The following MSRA variants were observed in gnomAD, a reference collection of about 807,000 sequenced individuals.
The protein encoded by MSRA is methionine sulfoxide reductase A.
Under a neutral mutation model 31.3 loss-of-function variants are expected in MSRA, and 54 were observed. That is an observed-to-expected ratio of 1.73 (90% CI 1.39 to 2.17). MSRA has a LOEUF of 2.17. Among genes scored for constraint, MSRA ranks in the 30% most tolerant of loss-of-function variants. The pLI is 0.00. For synonymous variants in MSRA, 169 were observed against 116.5 expected, an observed-to-expected ratio of 1.45 and a Z score of -2.90; for missense variants, 507 against 300.9, an observed-to-expected ratio of 1.69 and a Z score of -5.07.
chr8:10,353,600 A>G (rs908969981), intron 5 of MSRA: 34 of 456,080 alleles, frequency 7.5e-5, no homozygotes, highest in Admixed American at 6.8e-4. Context: ...CTTTCTAGCT[A>G]TGCCTTTTCC....
chr8:10,388,696 G>A, intron 5 of MSRA, among the ~76,000 whole-genome samples: 2 of 152,060 alleles, frequency 1.3e-5, no homozygotes, highest in East Asian at 3.9e-4. Context: ...TGTAAGTGGA[G>A]CTAATATCAT....
At chr8:10,324,107 T>C (rs902648545) in intron 5 of MSRA, among the ~76,000 whole-genome samples, 3 of 152,226 alleles carry the variant, frequency 2.0e-5, no homozygotes, top group African/African-American at 7.2e-5. Flanking sequence ...CTTTCCGCCA[T>C]GATGCTGTGG....
intron 1 of MSRA, chr8:10,095,548 A>G: frequency 1.0e-6 from 1 of 985,674 alleles, no homozygotes; most frequent in Non-Finnish European, 1.2e-6. Flanking sequence ...TACTGGGAGC[A>G]AAAGAGTGAG....
In MSRA at chr8:10,075,657, T is replaced by C. The variant is rs531928692; in HGVS notation, c.142+20999T>C. ...AGGTTGTGTTTACATAAAAAAGACA[T>C]TGTTTTATGTTCTAGCATCAAGAGA... On this transcript the variant is annotated intron_variant, in intron 1 of 5. Coordinates refer to ENST00000317173, the MANE Select transcript of MSRA (RefSeq NM_012331.5). Among the ~76,000 whole-genome samples the C allele has an allele frequency of 7.9e-5, 12 of 152,344 alleles. No homozygotes were observed. In the South Asian group the frequency reaches 1.2e-3, roughly 16 times the overall value.
intron 1 of MSRA, among the ~76,000 whole-genome samples, chr8:10,081,298 C>T (rs1798281375): frequency 6.6e-6 from 1 of 152,210 alleles, no homozygotes. Context: ...TTCTATAACC[C>T]ACGTGCCATT....
At chr8:10,248,374 G>A (rs897850037) in intron 3 of MSRA, among the ~76,000 whole-genome samples, 2 of 152,146 alleles carry the variant, frequency 1.3e-5, no homozygotes, top group African/African-American at 4.8e-5. Context: ...TATAGGAGGA[G>A]GGGTTAACAG....
chr8:10,414,959 A>T (rs534847981), intron 5 of MSRA, among the ~76,000 whole-genome samples: 1 of 152,354 alleles, frequency 6.6e-6, no homozygotes, highest in Non-Finnish European at 1.5e-5. Context: ...CCATGAAAAG[A>T]AAACTCGTAG....
chr8:10,205,906 G>A (rs1278576249), intron 1 of MSRA, among the ~76,000 whole-genome samples: 3 of 152,096 alleles, frequency 2.0e-5, no homozygotes, highest in African/African-American at 7.2e-5. Context: ...AACATGTTGG[G>A]TAATATTCCA....
intron 3 of MSRA, among the ~76,000 whole-genome samples, chr8:10,255,353 G>A (rs564710244): frequency 6.6e-5 from 10 of 152,346 alleles, no homozygotes; most frequent in Middle Eastern, 3.4e-3. Context: ...CGGGCCAGGA[G>A]CCCCAGGCAG....
At chr8:10,220,395 G>T (rs1318386980) in intron 2 of MSRA, among the ~76,000 whole-genome samples, 3 of 152,148 alleles carry the variant, frequency 2.0e-5, no homozygotes, top group Non-Finnish European at 4.4e-5. Flanking sequence ...ATACATCATG[G>T]TAGACATTAC....
chr8:10,058,982 T>G (rs950777507), intron 1 of MSRA: 1 of 152,210 alleles, frequency 6.6e-6, no homozygotes, highest in African/African-American at 2.4e-5. Context: ...AATGATAGAT[T>G]ATTATTTTAC....
intron 1 of MSRA, among the ~76,000 whole-genome samples, chr8:10,181,589 T>C (rs957979448): frequency 6.6e-6 from 1 of 151,944 alleles, no homozygotes; most frequent in Non-Finnish European, 1.5e-5. Flanking sequence ...GGGGATGACA[T>C]GATTGTATTT....
chr8:10,098,044 G>C (rs1799294614), intron 1 of MSRA, among the ~76,000 whole-genome samples: 2 of 152,184 alleles, frequency 1.3e-5, no homozygotes, highest in South Asian at 2.1e-4. Flanking sequence ...TTAAAAAAAA[G>C]TGTGATTAAG....
At chr8:10,237,864 C>A (rs577608316) in intron 2 of MSRA, among the ~76,000 whole-genome samples, 2 of 152,330 alleles carry the variant, frequency 1.3e-5, no homozygotes, top group Admixed American at 6.5e-5. Flanking sequence ...CATTATCTCT[C>A]ACTTGGATTA....
chr8:10,292,819 C>A (rs948814148), intron 3 of MSRA, among the ~76,000 whole-genome samples: 1 of 151,918 alleles, frequency 6.6e-6, no homozygotes, highest in Non-Finnish European at 1.5e-5. Flanking sequence ...GCTTGGTGGG[C>A]GAGCCCTACA....
chr8:10,201,036 C>A (rs1808452503), intron 1 of MSRA, among the ~76,000 whole-genome samples: 2 of 152,056 alleles, frequency 1.3e-5, no homozygotes, highest in South Asian at 4.2e-4. Context: ...TGACTTGTAC[C>A]CTGAACCACC....
intron 5 of MSRA, among the ~76,000 whole-genome samples, chr8:10,422,266 G>A (rs765429452): frequency 3.1e-4 from 47 of 152,102 alleles, no homozygotes; most frequent in Non-Finnish European, 6.0e-4. Context: ...AGCCTGGGTG[G>A]CAGAGCAAGA....
chr8:10,279,602 A>T (rs2952256), intron 3 of MSRA, among the ~76,000 whole-genome samples: 3 of 152,028 alleles, frequency 2.0e-5, no homozygotes, highest in Admixed American at 6.5e-5. Flanking sequence ...CCCCACCCCT[A>T]GCAAGGTTGA....
chr8:10,130,124 C>A (rs766632150), intron 1 of MSRA, among the ~76,000 whole-genome samples: 1 of 152,112 alleles, frequency 6.6e-6, no homozygotes. Context: ...GTATCAAGGA[C>A]GCTAAACATT....
Sources: gnomAD v4.1 joint callset for allele counts (sites outside exome capture counted in the v4.1 genomes callset) on GRCh38, gnomAD v4.1.1 for gene constraint, MANE v1.5 for transcripts, NCBI Gene and HGNC (gene_info 2026-07-23, HGNC 2026-07-21) for gene names.